Variants in EPB41L1 observed in about 807,000 individuals in gnomAD.
EPB41L1 encodes the protein band 4.1-like protein 1.
EPB41L1 carries 29 observed loss-of-function variants against 97.8 expected under a neutral mutation model. That is an observed-to-expected ratio of 0.30 (90% CI 0.22 to 0.40). The LOEUF is 0.40. Ranked by LOEUF, EPB41L1 falls within the 10% of genes least tolerant of loss-of-function variation. The probability of loss-of-function intolerance (pLI) is 1.00; values close to 1 mark genes in which losing one functional copy is unlikely to be tolerated. For missense variants in EPB41L1, 812 were observed against 1,162.3 expected (o/e 0.70, Z 4.38); for synonymous variants, 383 against 459.2 (o/e 0.83, Z 2.12).
intron 18 of EPB41L1, 142 bp downstream of exon 18, chr20:36,219,104 A>C: frequency 1.2e-6 from 1 of 861,492 alleles, no homozygotes; most frequent in South Asian, 1.5e-5. Context: ...GACCCTTTTC[A>C]GATGCCCACA....
intron 14 of EPB41L1, chr20:36,200,767 G>A: frequency 2.5e-6 from 1 of 407,856 alleles, no homozygotes; most frequent in South Asian, 1.8e-5. Flanking sequence ...GACTTTGTGT[G>A]TGTGTCTCTC....
rs748644227 is a variant in EPB41L1, at chr20:36,212,269, C to T, written c.2080-3C>T. On this transcript the variant is annotated splice_region_variant and splice_polypyrimidine_tract_variant and intron_variant, in intron 15 of 21. Coordinates refer to ENST00000338074, the MANE Select transcript of EPB41L1 (RefSeq NM_012156.2). The surrounding 1 kb of genome is among the most constrained non-coding windows in gnomAD (Gnocchi z 4.8). The stretch of plus-strand genomic sequence containing the variant: ...CAGAGCATTCTCCCTCCTTTTCCTA[C>T]AGCCCGTGAAAACAGAAACCATGAC... The T allele has an allele frequency of 4.3e-6, 7 of 1,614,016 alleles. No individual in the cohort carries two copies. Among genetic ancestry groups the T allele is most frequent in the African/African-American group, 1.3e-5 (1 of 74,922 alleles).
intron 19 of EPB41L1, among the ~76,000 whole-genome samples, chr20:36,220,100 C>T (rs2063692763): frequency 6.6e-6 from 1 of 152,232 alleles, no homozygotes; most frequent in African/African-American, 2.4e-5. Flanking sequence ...ATGGCGTGTG[C>T]GCCTTGTAGA....
chr20:36,169,251 G>A (rs867064159), intron 1 of EPB41L1, among the ~76,000 whole-genome samples: 7 of 150,402 alleles, frequency 4.7e-5, no homozygotes, highest in South Asian at 4.2e-4. Flanking sequence ...TGGCAACTCC[G>A]GCTCAGAAAA....
rs6119696 is a variant in EPB41L1, at chr20:36,125,106, G to A, written c.-10+12626G>A. On this transcript the variant is annotated intron_variant, in intron 2 of 19. Transcript: ENST00000202028. The stretch of plus-strand genomic sequence containing the variant: ...TAAGATGTGGGCTCAGCCACTTTGC[G>A]TACTCAAGGGGCTGTGCTGTATGGT... 6.1e-3 allele frequency among the ~76,000 whole-genome samples: 926 copies of A among 152,202 alleles called. 10 individuals carry two copies. Among genetic ancestry groups the A allele is most frequent in the African/African-American group, 0.021 (870 of 41,528 alleles).
At chr20:36,218,640 CCAGA>C (rs777607252) in intron 17 of EPB41L1, among the ~76,000 whole-genome samples, 1 of 152,186 alleles carries the variant, frequency 6.6e-6, no homozygotes, top group Non-Finnish European at 1.5e-5. Flanking sequence ...GTTCCTAACG[CCAGA>C]CAGTCTGTAA....
At chr20:36,208,375 G>A (rs995061192) in intron 14 of EPB41L1, 8 of 449,094 alleles carry the variant, frequency 1.8e-5, no homozygotes, top group Middle Eastern at 3.3e-4. Flanking sequence ...GGAAGGGGGG[G>A]CGCCTGAGAT....
chr20:36,232,709 C>T lies in EPB41L1; in HGVS notation c.*3369C>T, dbSNP rs1386454395. Reference sequence around the variant, plus strand: ...TCTCTCCTTTCTCGTCCCCATGCTCCCCCACCTCAGTGCTCCGTGCTGTAT... The same window carrying T: ...TCTCTCCTTTCTCGTCCCCATGCTCTCCCACCTCAGTGCTCCGTGCTGTAT... On this transcript the variant is annotated 3_prime_UTR_variant, in exon 22 of 22. Coordinates refer to ENST00000338074, the MANE Select transcript of EPB41L1 (RefSeq NM_012156.2). The T allele has an allele frequency of 5.0e-6, 2 of 399,106 alleles. No individual in the cohort carries two copies. Among genetic ancestry groups the T allele is most frequent in the Admixed American group, 4.4e-5 (1 of 22,718 alleles). 24.7% of individuals were successfully genotyped at this position (399,106 alleles called of 1,614,324 possible).
In EPB41L1 at chr20:36,207,743, G is replaced by A. The variant is rs1202392402; in HGVS notation, c.1669-1745G>A. On this transcript the variant is annotated intron_variant, in intron 14 of 21. Coordinates refer to ENST00000338074, the MANE Select transcript of EPB41L1 (RefSeq NM_012156.2). The surrounding 1 kb of genome is among the most constrained non-coding windows in gnomAD (Gnocchi z 4.9). ...CTAGAGCCCGTGTCCCCCAATTCAG[G>A]CTGTGAAACCACGCTGGCAGAAGCT... is the stretch of plus-strand genomic sequence containing the variant. 2 of 1,289,866 alleles carry A rather than the reference G, an allele frequency of 1.6e-6. No homozygotes were observed. Among genetic ancestry groups the A allele is most frequent in the African/African-American group, 3.0e-5 (2 of 66,006 alleles). The allele number at this position is 1,289,866 out of a possible 1,614,324, so 79.9% of individuals were successfully genotyped here.
chr20:36,165,888 T>C (rs545852820), intron 1 of EPB41L1, among the ~76,000 whole-genome samples: 42 of 152,362 alleles, frequency 2.8e-4, no homozygotes, highest in Admixed American at 2.3e-3. Flanking sequence ...CCCCCTGAGG[T>C]TGCTGGAATG....
intron 1 of EPB41L1, among the ~76,000 whole-genome samples, chr20:36,096,778 T>A (rs1408640021): frequency 1.3e-5 from 2 of 152,206 alleles, no homozygotes; most frequent in Non-Finnish European, 2.9e-5. Flanking sequence ...TGCTTACTAA[T>A]CTTCTTAGTG....
At chr20:36,100,711 C>T (rs2057985319) in intron 1 of EPB41L1, among the ~76,000 whole-genome samples, 1 of 152,198 alleles carries the variant, frequency 6.6e-6, no homozygotes, top group African/African-American at 2.4e-5. Flanking sequence ...TGAGTCTTTC[C>T]TATATGGCCT....
chr20:36,153,038 C>T (rs1273111777), upstream of EPB41L1: 1 of 456,710 alleles, frequency 2.2e-6, no homozygotes, highest in Admixed American at 2.3e-5. Flanking sequence ...CGCTGCTGAA[C>T]CTGGTGAGCA....
At chr20:36,105,845 G>A (rs776850852) in intron 1 of EPB41L1, among the ~76,000 whole-genome samples, 1 of 152,128 alleles carries the variant, frequency 6.6e-6, no homozygotes, top group Non-Finnish European at 1.5e-5. Context: ...GAGGGGGGCT[G>A]CACCCCAGGG....
rs1410418807 is a variant in EPB41L1 at position 36,231,173 on chromosome 20, G to T, written c.*1833G>T. On this transcript the variant is annotated 3_prime_UTR_variant, in exon 22 of 22. Transcript: ENST00000338074. ...GCCCAGAAATTACCCCAAGACCACAGGAACCCTTCAAGAAGCTCCCATCAC... is the reference window on the plus strand; with the variant it reads ...GCCCAGAAATTACCCCAAGACCACATGAACCCTTCAAGAAGCTCCCATCAC... The T allele has an allele frequency of 6.6e-6, 1 of 152,186 alleles. No individual in the cohort carries two copies. The highest frequency in any genetic ancestry group is 1.5e-5 in the Non-Finnish European group (1 of 68,060). 9.4% of individuals were successfully genotyped at this position (152,186 alleles called of 1,614,324 possible).
At position 36,190,461 on chromosome 20, in the gene EPB41L1, T is replaced by C; in HGVS notation, c.1124+87T>C. The C allele has an allele frequency of 1.3e-6, 2 of 1,535,014 alleles. No homozygotes were observed. Among genetic ancestry groups the C allele is most frequent in the South Asian group, 2.3e-5 (2 of 86,636 alleles). On this transcript the variant is annotated intron_variant, in intron 10 of 21. Transcript: ENST00000338074. This position sits in a 1 kb window ranked among gnomAD's most constrained non-coding sequence, Gnocchi z 5.8. ...CAGGGGGAGGAGTTAGTGAGAACTC[T>C]AGGAAAGTCCTCCACCCTTTCCCCA...
At chr20:36,168,297 T>G (rs186364566) in intron 1 of EPB41L1, among the ~76,000 whole-genome samples, 105 of 152,384 alleles carry the variant, frequency 6.9e-4, no homozygotes, top group Non-Finnish European at 1.3e-3. Context: ...CAGCATTTAC[T>G]TCTCTGGCTG....
chr20:36,215,109 C>T (rs2063364746), intron 17 of EPB41L1, among the ~76,000 whole-genome samples: 1 of 151,360 alleles, frequency 6.6e-6, no homozygotes, highest in African/African-American at 2.4e-5. Context: ...GTTGTGGTTC[C>T]AGTCAATGTG....
intron 21 of EPB41L1, among the ~76,000 whole-genome samples, chr20:36,228,276 A>T (rs1467270069): frequency 6.6e-6 from 1 of 152,254 alleles, no homozygotes; most frequent in Non-Finnish European, 1.5e-5. Flanking sequence ...AATTAACAAC[A>T]GCAACAATCA....
Sources: allele counts gnomAD v4.1 joint callset (sites outside exome capture counted in the v4.1 genomes callset), GRCh38; gene constraint gnomAD v4.1.1; non-coding constraint Gnocchi (gnomAD v3.1); transcripts MANE v1.5; gene names NCBI Gene and HGNC (gene_info 2026-07-23, HGNC 2026-07-21).